The following IMMT variants were observed in gnomAD, a reference collection of about 807,000 sequenced individuals.
IMMT encodes the protein inner membrane mitochondrial protein, also known as MICOS complex subunit MIC60.
A neutral mutation model predicts 92.7 loss-of-function variants in IMMT; 40 were observed. The ratio of observed to expected loss-of-function variants is 0.43; its 90% CI spans 0.34 to 0.56. The LOEUF is 0.56. IMMT is among the 20% of genes least tolerant of loss of function. The probability of loss-of-function intolerance (pLI) is 0.03; values close to 1 mark genes in which losing one functional copy is unlikely to be tolerated. For synonymous variants in IMMT, 322 were observed against 336.1 expected, an observed-to-expected ratio of 0.96 and a Z score of 0.46; for missense variants, 831 against 912.1, an observed-to-expected ratio of 0.91 and a Z score of 1.14.
intron 13 of IMMT, among the ~76,000 whole-genome samples, chr2:86,146,616 G>A (rs1175281613): frequency 6.6e-6 from 1 of 152,146 alleles, no homozygotes; most frequent in Non-Finnish European, 1.5e-5. Context: ...GCCCACCTCG[G>A]CCTCCCAAAG....
intron 8 of IMMT, chr2:86,160,214 AT>A (rs2104907478): frequency 6.6e-6 from 1 of 152,474 alleles, no homozygotes; most frequent in Non-Finnish European, 1.5e-5. Context: ...ACAGCCCCAG[AT>A]TCAGCTCCCA....
At chr2:86,170,931 C>T (rs1677040853) in intron 5 of IMMT, 87 bp from the exon 6 acceptor site, 1 of 1,042,514 alleles carries the variant, frequency 9.6e-7, no homozygotes, top group Non-Finnish European at 1.4e-6. Flanking sequence ...ATCGTTTGTA[C>T]TGGCCAGTTA....
chr2:86,147,569 A>G, intron 13 of IMMT, 133 bp downstream of exon 13: 1 of 770,986 alleles, frequency 1.3e-6, no homozygotes, highest in South Asian at 2.2e-5. Flanking sequence ...CCATTATGTA[A>G]AAAGAAGCAG....
At chr2:86,152,315 C>A (rs945859193) in intron 11 of IMMT, among the ~76,000 whole-genome samples, 1 of 151,626 alleles carries the variant, frequency 6.6e-6, no homozygotes, top group African/African-American at 2.4e-5. Flanking sequence ...ATGGTGGACA[C>A]CTGTAATCCC....
chr2:86,156,097 C>A (rs1202330528), intron 10 of IMMT, among the ~76,000 whole-genome samples: 1 of 152,154 alleles, frequency 6.6e-6, no homozygotes, highest in African/African-American at 2.4e-5. Context: ...GTGCTACTGG[C>A]CTTCTGGTCC....
chr2:86,163,184 G>A (rs191885111), intron 7 of IMMT, among the ~76,000 whole-genome samples: 4 of 152,264 alleles, frequency 2.6e-5, no homozygotes, highest in Admixed American at 6.5e-5. Flanking sequence ...GCCAGGCGTA[G>A]TGGCTCATGC....
Position 86,195,397 on chromosome 2 carries a change from C to A in IMMT, c.-15G>T, listed in dbSNP as rs144600106. The A allele has an allele frequency of 2.6e-3, 4,005 of 1,547,262 alleles. 11 individuals are homozygous for A. Among genetic ancestry groups the A allele is most frequent in the Non-Finnish European group, 3.1e-3 (3,494 of 1,145,382 alleles). On this transcript the variant is annotated 5_prime_UTR_variant, in exon 1 of 15. Transcript: ENST00000410111. The stretch of plus-strand genomic sequence containing the variant: ...GCCCGCAGCATCTCGGTCAAGCGGA[C>A]GGCGCTGCTGGTGGACTCGAGCTGC...
intron 8 of IMMT, among the ~76,000 whole-genome samples, chr2:86,161,156 T>C (rs571981012): frequency 6.6e-6 from 1 of 151,942 alleles, no homozygotes; most frequent in South Asian, 2.1e-4. Context: ...CTGGCCTAAT[T>C]TTATATATAT....
intron 3 of IMMT, among the ~76,000 whole-genome samples, chr2:86,177,588 G>A (rs570119266): frequency 4.6e-5 from 7 of 151,556 alleles, no homozygotes; most frequent in Non-Finnish European, 7.4e-5. Flanking sequence ...GCGACAGAAC[G>A]AGACTCTGTC....
intron 1 of IMMT, among the ~76,000 whole-genome samples, chr2:86,188,265 G>C (rs565131619): frequency 6.6e-6 from 1 of 151,864 alleles, no homozygotes; most frequent in Admixed American, 6.6e-5. Flanking sequence ...AGTATCTCAC[G>C]GTTTTAATTT....
At chr2:86,178,360 T>C (rs1322118101) in intron 3 of IMMT, among the ~76,000 whole-genome samples, 1 of 139,200 alleles carries the variant, frequency 7.2e-6, no homozygotes, top group African/African-American at 2.7e-5. Context: ...AGGCATGGTA[T>C]CTCACACCTG....
At chr2:86,151,266 A>G (rs1455830265) in intron 12 of IMMT, 31 bp downstream of exon 12, 11 of 1,526,002 alleles carry the variant, frequency 7.2e-6, no homozygotes, top group Non-Finnish European at 1.0e-5. Context: ...AGTCACTTTA[A>G]ATGTTAGGCA....
intron 5 of IMMT, 128 bp downstream of exon 5, chr2:86,171,080 T>G: frequency 1.1e-6 from 1 of 895,942 alleles, no homozygotes; most frequent in East Asian, 2.7e-5. Context: ...TTTTAAAAAT[T>G]TCCTAAGAAA....
intron 9 of IMMT, among the ~76,000 whole-genome samples, chr2:86,159,021 G>A (rs1215024243): frequency 6.6e-6 from 1 of 151,162 alleles, no homozygotes; most frequent in African/African-American, 2.4e-5. Context: ...AACCAAAAAT[G>A]TTATCTATTA....
At position 86,158,725 on chromosome 2, in the gene IMMT, A is replaced by G. The variant is rs1235406985; in HGVS notation, c.1033-4T>C. The G allele has an allele frequency of 1.9e-6, 3 of 1,598,484 alleles. No homozygotes were observed. In the South Asian group the frequency reaches 3.4e-5, roughly 18 times the overall value. On this transcript the variant is annotated splice_region_variant and splice_polypyrimidine_tract_variant and intron_variant, in intron 9 of 14. Transcript: ENST00000410111. ...CCTCAGACTGAGCTGCTTGGACCTGAGCAAATACACAGGGTATGTGATTAA... is the reference window on the plus strand; with the variant it reads ...CCTCAGACTGAGCTGCTTGGACCTGGGCAAATACACAGGGTATGTGATTAA...
At position 86,170,804 on chromosome 2, in the gene IMMT, T is replaced by C; in HGVS notation, c.600A>G (p.Glu200=). 1 of 1,590,688 alleles carries C rather than the reference T, an allele frequency of 6.3e-7. No homozygotes were observed. Among genetic ancestry groups the C allele is most frequent in the East Asian group, 2.2e-5 (1 of 44,484 alleles). ...GTTGTGCAAGGCGAGCTGCAACTTCTTCAGGTGGTCGCTCCCTTATAGAAG... is the reference window on the plus strand; with the variant it reads ...GTTGTGCAAGGCGAGCTGCAACTTCCTCAGGTGGTCGCTCCCTTATAGAAG... ...SSSSIRERPP[E]EVAARLAQQE... Residue 200 remains glutamate (E), a synonymous_variant, in exon 6 of 15, where the codon GAA becomes GAG. Coordinates refer to ENST00000410111, the MANE Select transcript of IMMT (RefSeq NM_006839.3).
intron 8 of IMMT, chr2:86,160,039 G>A (rs1676160351): frequency 6.4e-6 from 1 of 155,414 alleles, no homozygotes; most frequent in Admixed American, 6.5e-5. Context: ...ACAATCAACT[G>A]AGCTAACTCA....
chr2:86,162,047 G>A lies in IMMT; in HGVS notation c.825C>T (p.Arg275=). 6.2e-7 allele frequency: 1 copy of A among 1,600,422 alleles called. No individual in the cohort carries two copies. The highest frequency in any genetic ancestry group is 8.5e-7 in the Non-Finnish European group (1 of 1,174,884). The change falls in exon 8 of 15, where the codon CGC becomes CGT. Residue 275 remains arginine (R), a synonymous_variant. Transcript: ENST00000410111. ...IAGEKKSAQW[R]TVEGALKERR... is the part of the protein sequence containing the mutation. ...GTTCCTTCAATGCACCCTCCACTGT[G>A]CGCCACTGAGCAGATTTCTTCTCGC...
intron 8 of IMMT, chr2:86,159,888 T>C: frequency 5.8e-6 from 2 of 346,314 alleles, no homozygotes; most frequent in African/African-American, 4.2e-5. Context: ...ACCATGCCTC[T>C]ATTTTATTAA....
Sources: gnomAD v4.1 joint callset for allele counts (sites outside exome capture counted in the v4.1 genomes callset) on GRCh38, gnomAD v4.1.1 for gene constraint, MANE v1.5 for transcripts, NCBI Gene and HGNC (gene_info 2026-07-23, HGNC 2026-07-21) for gene names.